The following IPMK variants were observed in gnomAD, a reference collection of about 807,000 sequenced individuals.
IPMK encodes inositol polyphosphate multikinase, also known as inositol 1,3,4,6-tetrakisphosphate 5-kinase.
IPMK carries 17 observed loss-of-function variants against 45.8 expected under a neutral mutation model. That is an observed-to-expected ratio of 0.37 (90% confidence interval 0.25 to 0.56). The LOEUF is 0.56. Among genes scored for constraint, IPMK ranks in the 20% least tolerant of loss-of-function variants. IPMK has a pLI of 0.79. For synonymous variants in IPMK, 180 were observed against 184.3 expected (o/e 0.98, Z 0.19); for missense variants, 399 against 498.0 (o/e 0.80, Z 1.89).
At chr10:58,253,362 G>C (rs961051965) in intron 1 of IPMK, among the ~76,000 whole-genome samples, 5 of 152,132 alleles carry the variant, frequency 3.3e-5, no homozygotes, top group Non-Finnish European at 7.4e-5. Flanking sequence ...TTGTAAAACA[G>C]GTCTGGCATT....
intron 4 of IPMK, 59 bp downstream of exon 4, chr10:58,216,086 T>G: frequency 8.9e-7 from 1 of 1,123,650 alleles, no homozygotes; most frequent in Non-Finnish European, 1.2e-6. Flanking sequence ...ACATCCATAA[T>G]TTTCAAGGGA....
In IPMK at chr10:58,267,633, C is replaced by T. The variant is rs1415727764; in HGVS notation, c.-22G>A. ...CCATAACGGAGAGCAGAAGCGGTAA[C>T]GGCAGCGAGAGTAGGAAAAAAAATA... On this transcript the variant is annotated 5_prime_UTR_variant, in exon 1 of 6. Transcript: ENST00000373935. 1.9e-6 allele frequency: 3 copies of T among 1,548,220 alleles called. No individual in the cohort carries two copies. Among genetic ancestry groups the T allele is most frequent in the Non-Finnish European group, 2.6e-6 (3 of 1,139,030 alleles).
At position 58,196,580 on chromosome 10, in the gene IPMK, G is replaced by A. The variant is rs576272977; in HGVS notation, c.747C>T (p.Tyr249=). The change falls in exon 6 of 6, where the codon TAC becomes TAT. Residue 249 remains tyrosine, a synonymous_variant. Coordinates refer to ENST00000373935, the MANE Select transcript of IPMK (RefSeq NM_152230.5). ...WFENQKQLNF[Y]ASSLLFVYEG... ...CATAAACAAAGAGTAATGAACTTGC[G>A]TAAAAATTAAGCTGCTTCTGGTTTT... is the stretch of plus-strand genomic sequence containing the variant. The A allele has an allele frequency of 1.9e-5, 30 of 1,613,990 alleles. No homozygotes were observed. The highest frequency in any genetic ancestry group is 8.9e-5 in the East Asian group (4 of 44,860).
intron 2 of IPMK, among the ~76,000 whole-genome samples, chr10:58,231,451 G>A (rs866003282): frequency 7.2e-5 from 11 of 152,264 alleles, no homozygotes; most frequent in African/African-American, 2.6e-4. Flanking sequence ...ACCCACAAAG[G>A]GAAGCCCATC....
intron 1 of IPMK, among the ~76,000 whole-genome samples, chr10:58,258,614 A>G (rs997970669): frequency 6.6e-6 from 1 of 152,162 alleles, no homozygotes; most frequent in Non-Finnish European, 1.5e-5. Flanking sequence ...ACACCCTCCT[A>G]ATTATTAATG....
chr10:58,267,404 T>A lies in IPMK; in HGVS notation c.190+18A>T, dbSNP rs956003299. ...CAGGCGGAAGGGGAGCGGCGAGACC[T>A]ATGCCACCCCCACTTACCCACTTTG... On this transcript the variant is annotated intron_variant, in intron 1 of 5. Transcript: ENST00000373935. 2.5e-6 allele frequency: 4 copies of A among 1,611,866 alleles called. No homozygotes were observed. The highest frequency in any genetic ancestry group is 3.4e-6 in the Non-Finnish European group (4 of 1,178,278).
intron 3 of IPMK, among the ~76,000 whole-genome samples, chr10:58,221,775 G>T (rs1838340544): frequency 2.0e-5 from 3 of 151,076 alleles, no homozygotes; most frequent in Admixed American, 6.6e-5. Flanking sequence ...TTGAAACAGG[G>T]TCTCTCTCTG....
chr10:58,244,491 C>T (rs946947918), intron 1 of IPMK, among the ~76,000 whole-genome samples: 7 of 152,042 alleles, frequency 4.6e-5, no homozygotes, highest in African/African-American at 7.2e-5. Flanking sequence ...AAGTGAGGAG[C>T]GCCTCTGCCA....
intron 4 of IPMK, among the ~76,000 whole-genome samples, chr10:58,208,033 C>T (rs1048676277): frequency 1.3e-5 from 2 of 152,014 alleles, no homozygotes; most frequent in Admixed American, 6.5e-5. Context: ...CTCCACCTCC[C>T]GGGTTCACGC....
At chr10:58,221,175 A>C (rs1838327497) in intron 3 of IPMK, among the ~76,000 whole-genome samples, 1 of 152,172 alleles carries the variant, frequency 6.6e-6, no homozygotes, top group Non-Finnish European at 1.5e-5. Context: ...ATTTCACCTC[A>C]AGTTAAAGTA....
intron 4 of IPMK, among the ~76,000 whole-genome samples, chr10:58,215,253 T>C (rs576313087): frequency 2.6e-5 from 4 of 152,292 alleles, no homozygotes; most frequent in South Asian, 2.1e-4. Flanking sequence ...AACCATCAGA[T>C]GATTGCAGAA....
intron 1 of IPMK, among the ~76,000 whole-genome samples, chr10:58,261,728 G>A (rs899992053): frequency 2.6e-5 from 4 of 151,914 alleles, no homozygotes; most frequent in African/African-American, 9.7e-5. Context: ...GACTATAGGC[G>A]CCACCAACAC....
At chr10:58,229,764 G>A (rs528307095) in intron 2 of IPMK, among the ~76,000 whole-genome samples, 1 of 152,088 alleles carries the variant, frequency 6.6e-6, no homozygotes, top group African/African-American at 2.4e-5. Flanking sequence ...GCTCTGGTCT[G>A]CAGCTCCCAG....
chr10:58,244,397 G>A (rs1276664299), intron 1 of IPMK, among the ~76,000 whole-genome samples: 4 of 142,460 alleles, frequency 2.8e-5, no homozygotes, highest in South Asian at 2.3e-4. Context: ...GCCGCTCCTC[G>A]TCTGGGAGGT....
In IPMK at chr10:58,193,753, C is replaced by T. The variant is rs898654415; in HGVS notation, c.*2323G>A. 2 of 151,728 alleles carry T rather than the reference C, an allele frequency of 1.3e-5. No individual in the cohort carries two copies. The highest frequency in any genetic ancestry group is 4.8e-5 in the African/African-American group (2 of 41,378). The allele number at this position is 151,728 out of a possible 1,614,324, so 9.4% of individuals were successfully genotyped here. A position where few individuals can be genotyped will look rare whatever the true frequency, so the allele number is the denominator to read the frequency against. On this transcript the variant is annotated 3_prime_UTR_variant, in exon 6 of 6. Coordinates refer to ENST00000373935, the MANE Select transcript of IPMK (RefSeq NM_152230.5). ...ATTATGCTTATTTCTTAAGCATTTA[C>T]ATGTTCAAATATACTTGGTGAATAG... is the stretch of plus-strand genomic sequence containing the variant.
intron 1 of IPMK, among the ~76,000 whole-genome samples, chr10:58,254,819 G>A (rs1284507780): frequency 6.6e-6 from 1 of 152,192 alleles, no homozygotes; most frequent in East Asian, 1.9e-4. Flanking sequence ...CCCTGTCATT[G>A]TTTCCTGTTC....
chr10:58,256,812 G>A (rs1351212522), intron 1 of IPMK, among the ~76,000 whole-genome samples: 2 of 152,154 alleles, frequency 1.3e-5, no homozygotes, highest in Non-Finnish European at 2.9e-5. Flanking sequence ...TGAAATATTG[G>A]GGGCTGGTTC....
Position 58,191,802 on chromosome 10 carries a change from C to T in IPMK, c.*4274G>A, listed in dbSNP as rs1837822417. On this transcript the variant is annotated 3_prime_UTR_variant, in exon 6 of 6. Coordinates refer to ENST00000373935, the MANE Select transcript of IPMK (RefSeq NM_152230.5). ...TAAATTTAGCATTGCTGCTTATAGT[C>T]ACTAATAACACAATTTTAGGTGCAA... is the stretch of plus-strand genomic sequence containing the variant. 6.6e-6 allele frequency: 1 copy of T among 152,064 alleles called. No homozygotes were observed. The highest frequency in any genetic ancestry group is 1.5e-5 in the Non-Finnish European group (1 of 67,932). 9.4% of individuals were successfully genotyped at this position (152,064 alleles called of 1,614,324 possible).
intron 1 of IPMK, among the ~76,000 whole-genome samples, chr10:58,265,211 T>G (rs1224864628): frequency 6.6e-6 from 1 of 152,172 alleles, no homozygotes. Flanking sequence ...TCTATCAAGT[T>G]CCATGAGTTT....
Sources: allele counts gnomAD v4.1 joint callset (sites outside exome capture counted in the v4.1 genomes callset), GRCh38; gene constraint gnomAD v4.1.1; transcripts MANE v1.5; gene names NCBI Gene and HGNC (gene_info 2026-07-23, HGNC 2026-07-21).